Variants in MTUS2 observed in about 807,000 individuals in gnomAD.
MTUS2 encodes microtubule-associated tumor suppressor candidate 2.
A neutral mutation model predicts 114.1 loss-of-function variants in MTUS2; 40 were observed. The ratio of observed to expected loss-of-function variants is 0.35; its 90% CI spans 0.27 to 0.46. The LOEUF (loss-of-function observed/expected upper bound fraction) is 0.46. Among genes scored for constraint, MTUS2 ranks in the 20% least tolerant of loss-of-function variants. The pLI, the probability that MTUS2 is intolerant of heterozygous loss-of-function variation, is 1.00. For missense variants in MTUS2, 1,679 were observed against 1,705.4 expected (o/e 0.98, Z 0.27); for synonymous variants, 688 against 672.0 (o/e 1.02, Z -0.37).
At chr13:29,435,867 A>G (rs761570587) in intron 8 of MTUS2, among the ~76,000 whole-genome samples, 2 of 152,254 alleles carry the variant, frequency 1.3e-5, no homozygotes, top group Non-Finnish European at 2.9e-5. Context: ...GAGCTGTGCC[A>G]GCATCTTCAG....
At chr13:28,998,893 T>A (rs1885248734) in intron 2 of MTUS2, among the ~76,000 whole-genome samples, 1 of 152,246 alleles carries the variant, frequency 6.6e-6, no homozygotes, top group African/African-American at 2.4e-5. Flanking sequence ...TCTGAACTTG[T>A]CAAAGTCATT....
At chr13:29,186,908 A>G (rs1230393022) in intron 5 of MTUS2, among the ~76,000 whole-genome samples, 1 of 152,178 alleles carries the variant, frequency 6.6e-6, no homozygotes, top group Non-Finnish European at 1.5e-5. Context: ...AAATTTTGCA[A>G]AGTATGTTAG....
intron 5 of MTUS2, among the ~76,000 whole-genome samples, chr13:29,166,480 G>C (rs1893322963): frequency 6.6e-6 from 1 of 152,202 alleles, no homozygotes; most frequent in Non-Finnish European, 1.5e-5. Flanking sequence ...GTGGATGGGT[G>C]TCAGCCCCAG....
chr13:28,902,683 G>C (rs1879715520), intron 2 of MTUS2, among the ~76,000 whole-genome samples: 1 of 152,162 alleles, frequency 6.6e-6, no homozygotes, highest in Middle Eastern at 3.4e-3. Flanking sequence ...CCTAGTGTGT[G>C]TAATTCTTTT....
intron 2 of MTUS2, among the ~76,000 whole-genome samples, chr13:29,013,338 TTGG>T (rs1885931627): frequency 6.6e-6 from 1 of 152,202 alleles, no homozygotes; most frequent in African/African-American, 2.4e-5. Flanking sequence ...TCACCGACTC[TTGG>T]TGGTCAAAGC....
intron 5 of MTUS2, among the ~76,000 whole-genome samples, chr13:29,170,185 A>G (rs1470687310): frequency 6.4e-4 from 1 of 1,566 alleles, no homozygotes; most frequent in Non-Finnish European, 3.2e-3. Flanking sequence ...GGAGGAAAAC[A>G]TACAAGAATG....
At chr13:29,249,735 T>A (rs1489300334) in intron 5 of MTUS2, among the ~76,000 whole-genome samples, 1 of 152,168 alleles carries the variant, frequency 6.6e-6, no homozygotes, top group Non-Finnish European at 1.5e-5. Flanking sequence ...TTTCCAAAAA[T>A]TTTCTCCCAT....
rs1243613402 is a variant in MTUS2 at position 29,389,687 on chromosome 13, G to A, written c.3117+30214G>A. On this transcript the variant is annotated intron_variant, in intron 8 of 15. Transcript: ENST00000612955. ...TATATGTATATATACATATATGTAT[G>A]TATATATGTGTATATGTGTATATGT... Among the ~76,000 whole-genome samples the A allele has an allele frequency of 1.7e-4, 24 of 139,442 alleles. 1 individual carries two copies. The highest frequency in any genetic ancestry group is 6.0e-4 in the African/African-American group (22 of 36,578). The allele number at this position is 139,442 out of a possible 152,430, so 91.5% of individuals were successfully genotyped here. A position where few individuals can be genotyped will look rare whatever the true frequency, so the allele number is the denominator to read the frequency against.
At chr13:29,018,568 C>T (rs969942294) in intron 2 of MTUS2, among the ~76,000 whole-genome samples, 1 of 152,132 alleles carries the variant, frequency 6.6e-6, no homozygotes, top group Non-Finnish European at 1.5e-5. Context: ...TGTGGTCAGC[C>T]TGGCCATCAT....
intron 2 of MTUS2, among the ~76,000 whole-genome samples, chr13:28,876,994 A>G (rs1165088076): frequency 6.6e-6 from 1 of 152,066 alleles, no homozygotes; most frequent in Non-Finnish European, 1.5e-5. Context: ...AGTGAACTTT[A>G]AAAAATACTT....
intron 2 of MTUS2, among the ~76,000 whole-genome samples, chr13:28,996,038 A>T (rs1453460837): frequency 2.0e-5 from 3 of 152,204 alleles, no homozygotes; most frequent in Non-Finnish European, 4.4e-5. Context: ...TGGGTTTGTC[A>T]TAGATAGCTC....
At chr13:28,953,516 T>C (rs1395928888) in intron 2 of MTUS2, among the ~76,000 whole-genome samples, 2 of 152,214 alleles carry the variant, frequency 1.3e-5, no homozygotes, top group African/African-American at 4.8e-5. Context: ...TCTCAAAAGC[T>C]CTATTGATAT....
intron 7 of MTUS2, among the ~76,000 whole-genome samples, chr13:29,340,525 G>A (rs113925108): frequency 0.08 from 12,209 of 151,702 alleles, 1,487 homozygotes; most frequent in African/African-American, 0.26. Context: ...GGAGTCATCA[G>A]GTTTTGTTTT....
chr13:28,901,579 T>C (rs547628653), intron 2 of MTUS2, among the ~76,000 whole-genome samples: 2 of 152,354 alleles, frequency 1.3e-5, no homozygotes, highest in Non-Finnish European at 2.9e-5. Flanking sequence ...TTATGCCTAT[T>C]GATACACAAC....
At chr13:28,841,893 G>A (rs889350568) in intron 2 of MTUS2, among the ~76,000 whole-genome samples, 1 of 152,138 alleles carries the variant, frequency 6.6e-6, no homozygotes, top group Non-Finnish European at 1.5e-5. Flanking sequence ...CGCCATGTTG[G>A]CCAGGATGGC....
At chr13:29,028,786 C>T (rs947649098) in intron 3 of MTUS2, among the ~76,000 whole-genome samples, 3 of 152,138 alleles carry the variant, frequency 2.0e-5, no homozygotes, top group East Asian at 1.9e-4. Context: ...TTTTGTTCCC[C>T]GTGTTCCCAG....
chr13:29,305,494 A>AG (rs58997858), intron 6 of MTUS2, among the ~76,000 whole-genome samples: 123,679 of 151,952 alleles, frequency 0.81, 50,804 homozygotes, highest in Admixed American at 0.88. Context: ...CAACTATCAG[A>AG]AATACTATAA....
intron 9 of MTUS2, among the ~76,000 whole-genome samples, chr13:29,441,216 A>G (rs924516515): frequency 5.8e-4 from 88 of 151,954 alleles, no homozygotes; most frequent in African/African-American, 2.0e-3. Context: ...GGAGAAGCCC[A>G]GGGGTTGACG....
chr13:29,194,080 T>C (rs1321348132), intron 5 of MTUS2, among the ~76,000 whole-genome samples: 2 of 150,826 alleles, frequency 1.3e-5, no homozygotes, highest in Non-Finnish European at 3.0e-5. Flanking sequence ...TTACACCTTA[T>C]ACAAAAATTA....
Sources: allele counts gnomAD v4.1 joint callset (sites outside exome capture counted in the v4.1 genomes callset), GRCh38; gene constraint gnomAD v4.1.1; transcripts MANE v1.5; gene names NCBI Gene and HGNC (gene_info 2026-07-23, HGNC 2026-07-21).